Variants in GRIA4 observed in about 807,000 individuals in gnomAD.
GRIA4 encodes glutamate receptor 4.
GRIA4 carries 34 observed loss-of-function variants against 104.0 expected under a neutral mutation model. The observed-to-expected ratio is 0.33, with a 90% CI of 0.25 to 0.44. The LOEUF (loss-of-function observed/expected upper bound fraction) is 0.44. Among genes scored for constraint, GRIA4 ranks in the 20% least tolerant of loss-of-function variants. GRIA4 has a pLI of 1.00. For synonymous variants in GRIA4, 386 were observed against 381.9 expected (o/e 1.01, Z -0.13); for missense variants, 750 against 1,096.5 (o/e 0.68, Z 4.46).
chr11:105,811,900 C>G (rs974270959), intron 4 of GRIA4, among the ~76,000 whole-genome samples: 1 of 152,146 alleles, frequency 6.6e-6, no homozygotes, highest in Non-Finnish European at 1.5e-5. Flanking sequence ...TCACAAAGAC[C>G]AGCACCCTTG....
At chr11:105,719,062 G>A (rs545430139) in intron 3 of GRIA4, among the ~76,000 whole-genome samples, 13 of 152,204 alleles carry the variant, frequency 8.5e-5, no homozygotes, top group Middle Eastern at 3.4e-3. Flanking sequence ...AATTTAAAAG[G>A]AAGGTGACTG....
chr11:105,786,983 C>G (rs1335816090), intron 4 of GRIA4, among the ~76,000 whole-genome samples: 2 of 152,122 alleles, frequency 1.3e-5, no homozygotes, highest in African/African-American at 4.8e-5. Flanking sequence ...CTCTGACTCT[C>G]CCAGCTTCTC....
At chr11:105,787,863 T>A (rs2135793595) in intron 4 of GRIA4, among the ~76,000 whole-genome samples, 1 of 152,264 alleles carries the variant, frequency 6.6e-6, no homozygotes, top group East Asian at 1.9e-4. Flanking sequence ...GTTCCTTTAG[T>A]TTTTGGGTTG....
chr11:105,737,607 G>C (rs944603580), intron 3 of GRIA4, among the ~76,000 whole-genome samples: 29 of 152,228 alleles, frequency 1.9e-4, no homozygotes, highest in Middle Eastern at 3.4e-3. Flanking sequence ...GGCTTCTTAA[G>C]AAGAAACCAA....
chr11:105,632,726 G>C (rs1341594029), intron 3 of GRIA4, among the ~76,000 whole-genome samples: 1 of 152,170 alleles, frequency 6.6e-6, no homozygotes, highest in East Asian at 1.9e-4. Context: ...TTGAGGCCAA[G>C]AGTTCAAGAC....
chr11:105,706,614 G>A (rs1217687155), intron 3 of GRIA4: 1 of 153,310 alleles, frequency 6.5e-6, no homozygotes, highest in Admixed American at 6.5e-5. Context: ...AGAGGCCAGG[G>A]ATGCACCATC....
chr11:105,637,298 T>C (rs1951231403), intron 3 of GRIA4, among the ~76,000 whole-genome samples: 1 of 152,152 alleles, frequency 6.6e-6, no homozygotes, highest in Admixed American at 6.6e-5. Context: ...AACAATCCTT[T>C]TGCTTACAAT....
rs150705209 is a variant in GRIA4 at position 105,657,775 on chromosome 11, G to A, written c.247+45341G>A. On this transcript the variant is annotated intron_variant, in intron 3 of 16. Coordinates refer to ENST00000282499, the MANE Select transcript of GRIA4 (RefSeq NM_000829.4). ...TTTTATTTGATCATGATAGTACAAT[G>A]TACTTTGTAGTCTGTATGGAATTAG... Among the ~76,000 whole-genome samples, 17 of 151,894 alleles carry A rather than the reference G, an allele frequency of 1.1e-4. No individual in the cohort carries two copies. In the East Asian group the frequency reaches 2.5e-3, roughly 22 times the overall value.
intron 3 of GRIA4, among the ~76,000 whole-genome samples, chr11:105,618,410 G>C (rs140812498): frequency 1.2e-3 from 177 of 152,130 alleles, no homozygotes; most frequent in African/African-American, 4.0e-3. Context: ...AAAAGTGGAA[G>C]CATGGAGGAG....
intron 3 of GRIA4, among the ~76,000 whole-genome samples, chr11:105,665,288 G>T (rs1952130894): frequency 6.6e-6 from 1 of 151,792 alleles, no homozygotes; most frequent in Admixed American, 6.6e-5. Flanking sequence ...ATATTTAGGG[G>T]TACTAACTTA....
At chr11:105,977,691 C>T (rs1859055534) in intron 16 of GRIA4, among the ~76,000 whole-genome samples, 1 of 151,986 alleles carries the variant, frequency 6.6e-6, no homozygotes, top group Non-Finnish European at 1.5e-5. Context: ...TTCTTAAATA[C>T]ATTTTGTTGC....
In GRIA4 at chr11:105,638,055, G is replaced by A. The variant is rs112233886; in HGVS notation, c.247+25621G>A. On this transcript the variant is annotated intron_variant, in intron 3 of 16. Coordinates refer to ENST00000282499, the MANE Select transcript of GRIA4 (RefSeq NM_000829.4). Reference sequence around the variant, plus strand: ...ATTTTGCTACTAATATGTTTTGTGCGTTTGAACTAATGTCACAGTGTTACC... The same window carrying A: ...ATTTTGCTACTAATATGTTTTGTGCATTTGAACTAATGTCACAGTGTTACC... Among the ~76,000 whole-genome samples the A allele has an allele frequency of 4.4e-3, 671 of 152,116 alleles. 5 individuals are homozygous for A. Among genetic ancestry groups the A allele is most frequent in the African/African-American group, 0.015 (636 of 41,490 alleles).
chr11:105,933,607 G>T, intron 13 of GRIA4, 115 bp from the exon 14 acceptor site: 1 of 692,368 alleles, frequency 1.4e-6, no homozygotes, highest in Non-Finnish European at 2.4e-6. Flanking sequence ...GTGGCAAATT[G>T]GAGTTAGAGA....
intron 3 of GRIA4, among the ~76,000 whole-genome samples, chr11:105,671,677 CAAAAAAAAA>C (rs377767108): frequency 3.1e-5 from 2 of 64,584 alleles, no homozygotes; most frequent in Admixed American, 3.0e-4. Flanking sequence ...GACTCTGTCT[CAAAAAAAAA>C]AAAAAAAAAA....
intron 3 of GRIA4, among the ~76,000 whole-genome samples, chr11:105,668,940 T>C (rs1311311301): frequency 6.6e-6 from 1 of 152,048 alleles, no homozygotes; most frequent in Non-Finnish European, 1.5e-5. Flanking sequence ...TATCTGTCTC[T>C]AACCTTCTGC....
chr11:105,957,248 A>G (rs893987025), intron 14 of GRIA4, among the ~76,000 whole-genome samples: 2 of 152,084 alleles, frequency 1.3e-5, no homozygotes, highest in African/African-American at 2.4e-5. Flanking sequence ...TTTTAGGTCT[A>G]ACATGTAAGT....
At chr11:105,871,345 T>C (rs1210930510) in intron 5 of GRIA4, among the ~76,000 whole-genome samples, 3 of 152,084 alleles carry the variant, frequency 2.0e-5, no homozygotes, top group African/African-American at 7.2e-5. Context: ...AAGTTTTGAC[T>C]GGCCTGTGGA....
At chr11:105,615,206 C>T (rs938889926) in intron 3 of GRIA4, among the ~76,000 whole-genome samples, 4 of 151,774 alleles carry the variant, frequency 2.6e-5, no homozygotes, top group African/African-American at 7.3e-5. Context: ...AAGAATAAAG[C>T]GTGTTAGTTA....
At chr11:105,882,411 G>C (rs1032840224) in intron 5 of GRIA4, among the ~76,000 whole-genome samples, 23 of 152,072 alleles carry the variant, frequency 1.5e-4, no homozygotes, top group Admixed American at 1.2e-3. Context: ...GGACTCCTGA[G>C]TACTTTATAA....
Sources: gnomAD v4.1 joint callset for allele counts (sites outside exome capture counted in the v4.1 genomes callset) on GRCh38, gnomAD v4.1.1 for gene constraint, MANE v1.5 for transcripts, NCBI Gene and HGNC (gene_info 2026-07-23, HGNC 2026-07-21) for gene names.